Variants in WIPF1 observed in about 807,000 individuals in gnomAD.
The protein encoded by WIPF1 is WAS/WASL-interacting protein family member 1.
WIPF1 carries 13 observed loss-of-function variants against 35.4 expected under a neutral mutation model. The ratio of observed to expected loss-of-function variants is 0.37; its 90% CI spans 0.24 to 0.58. The LOEUF (loss-of-function observed/expected upper bound fraction) is 0.58, where lower values mean the gene tolerates loss of function less well. Among genes scored for constraint, WIPF1 ranks in the 20% least tolerant of loss-of-function variants. The probability of loss-of-function intolerance (pLI) is 0.74; values close to 1 mark genes in which losing one functional copy is unlikely to be tolerated. For synonymous variants in WIPF1, 267 were observed against 266.3 expected (o/e 1.00, Z -0.02); for missense variants, 591 against 667.0 (o/e 0.89, Z 1.25).
Position 174,562,426 on chromosome 2 carries a change from C to A in WIPF1, c.*121G>T. The A allele has an allele frequency of 6.4e-7, 1 of 1,557,026 alleles. No individual in the cohort carries two copies. Among genetic ancestry groups the A allele is most frequent in the Non-Finnish European group, 8.7e-7 (1 of 1,149,234 alleles). On this transcript the variant is annotated 3_prime_UTR_variant, in exon 8 of 8. Coordinates refer to ENST00000679041, the MANE Select transcript of WIPF1 (RefSeq NM_001375834.1). ...CCACACACGCATATTCCCACTCCCC[C>A]TCCCACCTTTCCTCCTGCCCATACA...
At chr2:174,568,104 C>G in intron 5 of WIPF1, 31 bp from the exon 6 acceptor site, 1 of 1,595,180 alleles carries the variant, frequency 6.3e-7, no homozygotes, top group Non-Finnish European at 8.5e-7. Flanking sequence ...TAGTGCAGAA[C>G]CTTACATCCA....
At position 174,585,514 on chromosome 2, in the gene WIPF1, G is replaced by T; in HGVS notation, c.51+9C>A. Reference sequence around the variant, plus strand: ...ATGCATAGAAAGTGTTTGGGGAGGAGACACTCACCAGTGCAAACGTCGGGG... The same window carrying T: ...ATGCATAGAAAGTGTTTGGGGAGGATACACTCACCAGTGCAAACGTCGGGG... On this transcript the variant is annotated intron_variant, in intron 2 of 7. Coordinates refer to ENST00000679041, the MANE Select transcript of WIPF1 (RefSeq NM_001375834.1). 1 of 1,284,400 alleles carries T rather than the reference G, an allele frequency of 7.8e-7. No homozygotes were observed. Among genetic ancestry groups the T allele is most frequent in the Non-Finnish European group, 1.1e-6 (1 of 948,598 alleles). 79.6% of individuals were successfully genotyped at this position (1,284,400 alleles called of 1,614,324 possible).
rs563559280 is a variant in WIPF1 at position 174,560,344 on chromosome 2, A to G, written c.*2203T>C. The G allele has an allele frequency of 1.3e-5, 2 of 152,728 alleles. No homozygotes were observed. The highest frequency in any genetic ancestry group is 2.1e-4 in the South Asian group (1 of 4,826). The allele number at this position is 152,728 out of a possible 1,614,324, so 9.5% of individuals were successfully genotyped here. ...TTTCAGATTTAGAACGGTACCTGCC[A>G]AGTTCAGATATGCAAAGGAATTGTC... On this transcript the variant is annotated 3_prime_UTR_variant, in exon 8 of 8. Transcript: ENST00000679041.
chr2:174,594,898 T>C (rs1452438913), intron 1 of WIPF1, among the ~76,000 whole-genome samples: 1 of 151,252 alleles, frequency 6.6e-6, no homozygotes, highest in Non-Finnish European at 1.5e-5. Flanking sequence ...ACTGTTGCTG[T>C]GACATTTAAA....
chr2:174,682,388 A>C (rs1226522741), intron 1 of WIPF1, among the ~76,000 whole-genome samples: 1 of 152,142 alleles, frequency 6.6e-6, no homozygotes, highest in African/African-American at 2.4e-5. Context: ...GTGCAGCCCC[A>C]GGGCATCGCC....
Position 174,571,755 on chromosome 2 carries a change from C to A in WIPF1, c.1050G>T (p.Ser350=), listed in dbSNP as rs1451167601. ...GAGGAAGAGGACCTGAACGTCCTGGCGAAGGTAACGGGGGCGTGGACGAAC... is the reference window on the plus strand; with the variant it reads ...GAGGAAGAGGACCTGAACGTCCTGGAGAAGGTAACGGGGGCGTGGACGAAC... ...SLSSSTPPLP[S]PGRSGPLPPP... Residue 350 remains serine (S), a synonymous_variant, in exon 5 of 8, where the codon TCG becomes TCT. Coordinates refer to ENST00000679041, the MANE Select transcript of WIPF1 (RefSeq NM_001375834.1). This position sits in a 1 kb window ranked among gnomAD's most constrained non-coding sequence, Gnocchi z 4.6. 3.1e-6 allele frequency: 5 copies of A among 1,614,058 alleles called. No individual in the cohort carries two copies. In the Admixed American group the frequency reaches 5.0e-5, roughly 16 times the overall value.
rs931281511 is a variant in WIPF1 at position 174,590,490 on chromosome 2, T to C, written c.-38-4879A>G. On this transcript the variant is annotated intron_variant, in intron 1 of 7. Coordinates refer to ENST00000679041, the MANE Select transcript of WIPF1 (RefSeq NM_001375834.1). This position sits in a 1 kb window ranked among gnomAD's most constrained non-coding sequence, Gnocchi z 4.6. ...CTGCCTGGGTGGGAATGAGGCTGAC[T>C]GATGACTGGGCCTCCCAGCATTTGG... Among the ~76,000 whole-genome samples, 21 of 152,164 alleles carry C rather than the reference T, an allele frequency of 1.4e-4. No homozygotes were observed. Among genetic ancestry groups the C allele is most frequent in the South Asian group, 2.1e-4 (1 of 4,828 alleles).
At chr2:174,574,973 G>T in intron 4 of WIPF1, 1 of 748,794 alleles carries the variant, frequency 1.3e-6, no homozygotes, top group Non-Finnish European at 2.4e-6. Context: ...AAAATGTACA[G>T]GTTACCCCCA....
chr2:174,650,727 T>C (rs1317433255), intron 1 of WIPF1, among the ~76,000 whole-genome samples: 1 of 152,256 alleles, frequency 6.6e-6, no homozygotes, highest in Non-Finnish European at 1.5e-5. Context: ...GCATCCAATC[T>C]ATTATTTCTT....
chr2:174,676,150 T>G (rs1402577256), intron 1 of WIPF1, among the ~76,000 whole-genome samples: 1 of 150,528 alleles, frequency 6.6e-6, no homozygotes, highest in Non-Finnish European at 1.5e-5. Context: ...TTGTAGAGAC[T>G]GGGTCCCACT....
At chr2:174,591,713 A>G (rs1181420268) in intron 1 of WIPF1, among the ~76,000 whole-genome samples, 2 of 143,232 alleles carry the variant, frequency 1.4e-5, no homozygotes, top group African/African-American at 5.5e-5. Context: ...CACCACCCCA[A>G]CATTTAGAAA....
intron 5 of WIPF1, 125 bp from the exon 6 acceptor site, chr2:174,568,198 G>T: frequency 2.5e-6 from 3 of 1,192,742 alleles, no homozygotes; most frequent in Non-Finnish European, 2.3e-6. Flanking sequence ...GATTTTCTAG[G>T]ATATTTGGCT....
chr2:174,617,544 T>G (rs1252447285), intron 1 of WIPF1, among the ~76,000 whole-genome samples: 1 of 152,236 alleles, frequency 6.6e-6, no homozygotes, highest in Non-Finnish European at 1.5e-5. Flanking sequence ...ATGACTCAAG[T>G]GCTGGTGTGG....
chr2:174,574,707 G>A lies in WIPF1; in HGVS notation c.358+497C>T, dbSNP rs1246258326. On this transcript the variant is annotated intron_variant, in intron 4 of 7. Coordinates refer to ENST00000679041, the MANE Select transcript of WIPF1 (RefSeq NM_001375834.1). ...CCTGCAGAGACTCCTGAGAACCACT[G>A]GCACTGAAATACCAAATATCTGTCA... is the stretch of plus-strand genomic sequence containing the variant. 2.1e-5 allele frequency: 13 copies of A among 610,462 alleles called. 1 individual carries two copies. The East Asian group carries it at 2.8e-4, about 13-fold the overall frequency. 37.8% of individuals were successfully genotyped at this position (610,462 alleles called of 1,614,324 possible).
chr2:174,569,308 G>A (rs1317041540), intron 5 of WIPF1, among the ~76,000 whole-genome samples: 1 of 152,146 alleles, frequency 6.6e-6, no homozygotes, highest in Non-Finnish European at 1.5e-5. Flanking sequence ...GTCTCTCAAG[G>A]AGTCTTCAGT....
chr2:174,660,547 C>T (rs571293679), intron 1 of WIPF1, among the ~76,000 whole-genome samples: 1 of 152,086 alleles, frequency 6.6e-6, no homozygotes, highest in South Asian at 2.1e-4. Context: ...AGCACTGGCT[C>T]AGCTGATGCT....
intron 1 of WIPF1, among the ~76,000 whole-genome samples, chr2:174,631,498 G>A (rs1687019099): frequency 6.6e-6 from 1 of 152,136 alleles, no homozygotes; most frequent in African/African-American, 2.4e-5. Flanking sequence ...ATGGGTTTAA[G>A]TTTCAGTTTT....
intron 6 of WIPF1, among the ~76,000 whole-genome samples, chr2:174,567,451 T>G (rs1206351469): frequency 6.6e-6 from 1 of 152,264 alleles, no homozygotes; most frequent in East Asian, 1.9e-4. Flanking sequence ...GGCTAAGGTA[T>G]GGGACACCTT....
intron 3 of WIPF1, 100 bp downstream of exon 3, chr2:174,581,210 C>T (rs371319288): frequency 2.7e-5 from 40 of 1,499,338 alleles, no homozygotes; most frequent in East Asian, 1.9e-4. Context: ...CTGTTGTTAA[C>T]CAAAAAATAA....
Sources: allele counts gnomAD v4.1 joint callset (sites outside exome capture counted in the v4.1 genomes callset), GRCh38; gene constraint gnomAD v4.1.1; non-coding constraint Gnocchi (gnomAD v3.1); transcripts MANE v1.5; gene names NCBI Gene and HGNC (gene_info 2026-07-23, HGNC 2026-07-21).